Variants in CDH23 observed in about 807,000 individuals in gnomAD.
CDH23 encodes the protein cadherin-23.
A neutral mutation model predicts 317.1 loss-of-function variants in CDH23; 189 were observed. The observed-to-expected ratio is 0.60, with a 90% CI of 0.53 to 0.67. CDH23 has a LOEUF of 0.67. Among genes scored for constraint, CDH23 ranks in the 30% least tolerant of loss-of-function variants. CDH23 has a pLI of 0.00. For synonymous variants in CDH23, 1,839 were observed against 1,876.8 expected (o/e 0.98, Z 0.52); for missense variants, 4,401 against 4,592.4 (o/e 0.96, Z 1.20).
chr10:71,585,991 C>CTCCT (rs1267768840), intron 9 of CDH23, among the ~76,000 whole-genome samples: 1 of 152,222 alleles, frequency 6.6e-6, no homozygotes, highest in Non-Finnish European at 1.5e-5. Flanking sequence ...TCCCCATGGG[C>CTCCT]AGGAGTCTGT....
At chr10:71,411,496 C>G (rs922019735) in intron 1 of CDH23, among the ~76,000 whole-genome samples, 1 of 151,910 alleles carries the variant, frequency 6.6e-6, no homozygotes, top group African/African-American at 2.4e-5. Context: ...CTTATTTATT[C>G]TTATAGGTTA....
chr10:71,800,554 A>T, intron 52 of CDH23, 82 bp from the exon 53 acceptor site: 1 of 1,475,702 alleles, frequency 6.8e-7, no homozygotes, highest in South Asian at 1.2e-5. Flanking sequence ...TCCAGAGCCC[A>T]TAACAGCATC....
At chr10:71,516,712 A>C (rs1261499629) in intron 6 of CDH23, among the ~76,000 whole-genome samples, 1 of 152,188 alleles carries the variant, frequency 6.6e-6, no homozygotes, top group Non-Finnish European at 1.5e-5. Flanking sequence ...ACACTGAAGT[A>C]GGACAGTTAC....
At chr10:71,703,207 C>T (rs1865657228) in intron 24 of CDH23, among the ~76,000 whole-genome samples, 1 of 152,202 alleles carries the variant, frequency 6.6e-6, no homozygotes. Flanking sequence ...TTCCATCATC[C>T]TCTGATTAGA....
intron 3 of CDH23, among the ~76,000 whole-genome samples, chr10:71,451,525 T>A (rs1316557977): frequency 6.6e-6 from 1 of 152,176 alleles, no homozygotes; most frequent in African/African-American, 2.4e-5. Flanking sequence ...AAGCTCCCAC[T>A]TCACGGTCTT....
intron 14 of CDH23, among the ~76,000 whole-genome samples, chr10:71,670,321 C>A (rs1864092576): frequency 6.6e-6 from 1 of 152,228 alleles, no homozygotes; most frequent in Non-Finnish European, 1.5e-5. Context: ...GGAAATCACA[C>A]ATTCTACTAA....
In CDH23 at chr10:71,511,191, C is replaced by A; in HGVS notation, c.408C>A (p.Pro136=). ...NDNAPTFHNQ[P]YSVRIPENTP... is the part of the protein sequence containing the mutation. ...ACGCGCCCACATTTCACAATCAGCC[C>A]TACAGCGTCCGCATCCCTGAGGTAG... The change falls in exon 6 of 70, where the codon CCC becomes CCA. Residue 136 remains proline, a synonymous_variant. Coordinates refer to ENST00000224721, the MANE Select transcript of CDH23 (RefSeq NM_022124.6). 1 of 1,613,586 alleles carries A rather than the reference C, an allele frequency of 6.2e-7. No homozygotes were observed. The highest frequency in any genetic ancestry group is 8.5e-7 in the Non-Finnish European group (1 of 1,179,586).
intron 28 of CDH23, chr10:71,717,153 G>C (rs1200318949): frequency 1.3e-5 from 2 of 152,296 alleles, no homozygotes; most frequent in African/African-American, 4.8e-5. Context: ...TGGCATTAGG[G>C]AGCCAGTGAA....
chr10:71,617,526 G>A lies in CDH23; in HGVS notation c.1134+133G>A, dbSNP rs758969470. 4.0e-6 allele frequency: 6 copies of A among 1,499,426 alleles called. No homozygotes were observed. The South Asian group carries it at 6.2e-5, about 16-fold the overall frequency. The allele number at this position is 1,499,426 out of a possible 1,614,324, so 92.9% of individuals were successfully genotyped here. A position where few individuals can be genotyped will look rare whatever the true frequency, so the allele number is the denominator to read the frequency against. On this transcript the variant is annotated intron_variant, in intron 11 of 69. Coordinates refer to ENST00000224721, the MANE Select transcript of CDH23 (RefSeq NM_022124.6). Reference sequence around the variant, plus strand: ...CACCCCACTCCTGGTAGGTTCTGAGGATAAATAAGGCTGAAAAAAAAATCA... The same window carrying A: ...CACCCCACTCCTGGTAGGTTCTGAGAATAAATAAGGCTGAAAAAAAAATCA...
chr10:71,799,438 C>T (rs979797394), intron 51 of CDH23, 54 bp from the exon 52 acceptor site: 12 of 1,612,284 alleles, frequency 7.4e-6, no homozygotes, highest in African/African-American at 2.7e-5. Flanking sequence ...GGGCTGTGCT[C>T]GGGCTCTGGG....
chr10:71,559,351 A>G (rs576763893), intron 6 of CDH23, among the ~76,000 whole-genome samples: 2 of 152,344 alleles, frequency 1.3e-5, no homozygotes, highest in South Asian at 4.1e-4. Context: ...TGCCATGTTT[A>G]CCACAAAATC....
intron 19 of CDH23, among the ~76,000 whole-genome samples, chr10:71,688,855 G>A (rs1201310355): frequency 1.6e-5 from 2 of 124,604 alleles, no homozygotes; most frequent in Admixed American, 7.8e-5. Flanking sequence ...GTGGAGTCAG[G>A]GGTGGTGGAG....
chr10:71,702,665 G>A lies in CDH23; in HGVS notation c.2704G>A (p.Gly902Ser). 1 of 1,613,902 alleles carries A rather than the reference G, an allele frequency of 6.2e-7. No homozygotes were observed. The highest frequency in any genetic ancestry group is 8.5e-7 in the Non-Finnish European group (1 of 1,179,888). ...NLPFVAEVLE[G>S]IPAGVSIYQV... ...GCCTTTTGTGGCCGAGGTGCTTGAA[G>A]GCATCCCGGCGGGGGTCTCCATCTA... Residue 902 changes from glycine to serine, a missense_variant, in exon 24 of 70, where the codon GGC becomes AGC. Around this residue, in one of 3 missense-constraint regions of CDH23, gnomAD observed 3,068 missense variants for 3,203.3 expected, o/e 0.96. Transcript: ENST00000224721.
At chr10:71,790,668 C>A in intron 46 of CDH23, 2 of 535,048 alleles carry the variant, frequency 3.7e-6, no homozygotes, top group South Asian at 4.5e-5. Flanking sequence ...GCCGGGAGCC[C>A]CCCAGCCCAC....
chr10:71,677,444 G>A lies in CDH23; in HGVS notation c.1515-12G>A, dbSNP rs369396703. ...CGGTGTTCCTTCTCTCCATCCTCTC[G>A]GCCTGGCACAGGTTCTCGCTGGACA... On this transcript the variant is annotated splice_polypyrimidine_tract_variant and intron_variant, in intron 15 of 69. Coordinates refer to ENST00000224721, the MANE Select transcript of CDH23 (RefSeq NM_022124.6). 24 of 1,590,664 alleles carry A rather than the reference G, an allele frequency of 1.5e-5. No individual in the cohort carries two copies. The highest frequency in any genetic ancestry group is 4.0e-5 in the African/African-American group (3 of 74,496).
chr10:71,689,290 G>A (rs970423547), intron 19 of CDH23, among the ~76,000 whole-genome samples: 1 of 151,996 alleles, frequency 6.6e-6, no homozygotes, highest in Non-Finnish European at 1.5e-5. Context: ...GAGAACCTCT[G>A]GGTACCACTC....
intron 11 of CDH23, among the ~76,000 whole-genome samples, chr10:71,625,786 G>C (rs1357571552): frequency 6.6e-6 from 1 of 152,184 alleles, no homozygotes; most frequent in Non-Finnish European, 1.5e-5. Flanking sequence ...GGAGTTCTCA[G>C]CCCATCTGGG....
intron 38 of CDH23, among the ~76,000 whole-genome samples, chr10:71,759,371 G>T (rs1053323635): frequency 1.7e-4 from 26 of 152,194 alleles, no homozygotes; most frequent in African/African-American, 6.0e-4. Flanking sequence ...ACCAGACATG[G>T]TGATGCGTGC....
rs773464867 is a variant in CDH23 at position 71,812,813 on chromosome 10, C to T, written c.9556C>T (p.Arg3186Ter). Residue 3186 changes from arginine (R) to a stop codon, truncating the protein, a stop_gained, in exon 68 of 70, where the codon CGA becomes TGA. Transcript: ENST00000224721. LOFTEE classifies it high-confidence loss of function. ...EPAAVKPDDD[R>*]YLRAAIQEYD... The stretch of plus-strand genomic sequence containing the variant: ...AGCAGCTGTCAAGCCTGATGATGAC[C>T]GATACCTGCGGGCTGCCATCCAGGA... 3.1e-6 allele frequency: 5 copies of T among 1,613,318 alleles called. No homozygotes were observed. The highest frequency in any genetic ancestry group is 1.7e-5 in the Admixed American group (1 of 59,896).
Sources: allele counts gnomAD v4.1 joint callset (sites outside exome capture counted in the v4.1 genomes callset), GRCh38; gene constraint gnomAD v4.1.1; regional missense constraint gnomAD v4.1.1; transcripts MANE v1.5; gene names NCBI Gene and HGNC (gene_info 2026-07-23, HGNC 2026-07-21).